The following SCN7A variants were observed in gnomAD, a reference collection of about 807,000 sequenced individuals.
SCN7A encodes the protein sodium channel protein type 7 subunit alpha.
In SCN7A, 138 loss-of-function variants were observed where a neutral mutation model predicts 155.2. The ratio of observed to expected loss-of-function variants is 0.89; its 90% CI spans 0.77 to 1.02. SCN7A has a LOEUF of 1.02. Among genes scored for constraint, SCN7A ranks in the 50% least tolerant of loss-of-function variants. The probability of loss-of-function intolerance (pLI) is 0.00; values close to 1 mark genes in which losing one functional copy is unlikely to be tolerated. For synonymous variants in SCN7A, 693 were observed against 649.0 expected (o/e 1.07, Z -1.03); for missense variants, 2,058 against 1,986.6 (o/e 1.04, Z -0.68).
At chr2:166,469,026 T>C (rs1049022168) in intron 7 of SCN7A, among the ~76,000 whole-genome samples, 1 of 151,316 alleles carries the variant, frequency 6.6e-6, no homozygotes, top group Non-Finnish European at 1.5e-5. Flanking sequence ...TAGTATAAGC[T>C]GATCTCTTTC....
chr2:166,436,555 T>C (rs915601849), intron 15 of SCN7A: 11 of 201,194 alleles, frequency 5.5e-5, no homozygotes, highest in Non-Finnish European at 8.6e-5. Flanking sequence ...CTGCAGAGAA[T>C]GGGGCACTGC....
intron 7 of SCN7A, among the ~76,000 whole-genome samples, chr2:166,469,492 T>C (rs1463376173): frequency 6.6e-6 from 1 of 151,850 alleles, no homozygotes; most frequent in African/African-American, 2.4e-5. Context: ...TGTTTCTCTT[T>C]CTATATTGCA....
At chr2:166,468,516 C>T (rs1363057215) in intron 7 of SCN7A, among the ~76,000 whole-genome samples, 1 of 151,966 alleles carries the variant, frequency 6.6e-6, no homozygotes, top group Non-Finnish European at 1.5e-5. Context: ...CAAGAATGAA[C>T]CACGGAAGTC....
intron 2 of SCN7A, among the ~76,000 whole-genome samples, chr2:166,484,613 T>C (rs1167301554): frequency 6.6e-6 from 1 of 151,998 alleles, no homozygotes; most frequent in African/African-American, 2.4e-5. Flanking sequence ...TCATCACTAA[T>C]ACATGTTTTA....
chr2:166,471,698 G>A (rs1011437319), intron 6 of SCN7A, among the ~76,000 whole-genome samples: 1 of 140,304 alleles, frequency 7.1e-6, no homozygotes, highest in Non-Finnish European at 1.5e-5. Context: ...GAAATTGTTA[G>A]AATTGTATGA....
chr2:166,438,081 T>C lies in SCN7A; in HGVS notation c.2157+3315A>G, dbSNP rs1408844408. Among the ~76,000 whole-genome samples, 11 of 152,168 alleles carry C rather than the reference T, an allele frequency of 7.2e-5. No homozygotes were observed. In the East Asian group the frequency reaches 2.1e-3, roughly 29 times the overall value. ...CAGGGGTGGAATGATATTGCTTGGC[T>C]GTGTCTCCACCCAAATCTCATCTTG... On this transcript the variant is annotated intron_variant, in intron 15 of 25. Coordinates refer to ENST00000643258, the MANE Select transcript of SCN7A (RefSeq NM_002976.4).
At chr2:166,443,431 A>G in intron 14 of SCN7A, 72 bp downstream of exon 14, 1 of 1,302,462 alleles carries the variant, frequency 7.7e-7, no homozygotes, top group South Asian at 1.4e-5. Context: ...TATTACTGTA[A>G]CCCCATTTTA....
intron 19 of SCN7A, among the ~76,000 whole-genome samples, chr2:166,422,125 A>C (rs1046605163): frequency 1.3e-5 from 2 of 152,108 alleles, no homozygotes; most frequent in African/African-American, 4.8e-5. Context: ...AATTTGAAAG[A>C]GTGAACTTAG....
At chr2:166,465,404 C>A in intron 9 of SCN7A, 58 bp downstream of exon 9, 1 of 1,147,724 alleles carries the variant, frequency 8.7e-7, no homozygotes, top group South Asian at 1.3e-5. Context: ...AATAGTCCTT[C>A]ATTAAATACT....
intron 21 of SCN7A, among the ~76,000 whole-genome samples, chr2:166,414,004 A>ATATATATATATAC (rs1559087806): frequency 1.5e-4 from 7 of 45,808 alleles, no homozygotes; most frequent in African/African-American, 7.2e-4. Flanking sequence ...TATATATATA[A>ATATATATATATAC]ATATACTATA....
At chr2:166,454,048 A>C (rs1702228908) in intron 11 of SCN7A, among the ~76,000 whole-genome samples, 1 of 152,176 alleles carries the variant, frequency 6.6e-6, no homozygotes, top group Non-Finnish European at 1.5e-5. Context: ...AAATGAGTGG[A>C]AATATGGTAA....
At chr2:166,423,473 T>C (rs1701556575) in intron 18 of SCN7A, 41 bp from the exon 19 acceptor site, 1 of 1,461,558 alleles carries the variant, frequency 6.8e-7, no homozygotes, top group East Asian at 2.5e-5. Flanking sequence ...GGTGTACAGG[T>C]AATTTCTAAA....
chr2:166,486,626 C>G (rs1256980757), intron 2 of SCN7A, among the ~76,000 whole-genome samples: 1 of 152,148 alleles, frequency 6.6e-6, no homozygotes, highest in Non-Finnish European at 1.5e-5. Flanking sequence ...AATCTAGGAG[C>G]CAGTGGCCCA....
chr2:166,444,475 G>A (rs568943064), intron 13 of SCN7A, among the ~76,000 whole-genome samples: 1 of 152,196 alleles, frequency 6.6e-6, no homozygotes, highest in East Asian at 1.9e-4. Context: ...GGAAGGGAGG[G>A]GCAATAAATA....
chr2:166,421,144 A>G (rs1313465631), intron 20 of SCN7A, 46 bp downstream of exon 20: 2 of 1,273,486 alleles, frequency 1.6e-6, no homozygotes, highest in Admixed American at 2.7e-5. Context: ...AAATTTAGTA[A>G]TTCCAAATAA....
At chr2:166,422,707 C>T (rs916508781) in intron 19 of SCN7A, among the ~76,000 whole-genome samples, 2 of 152,050 alleles carry the variant, frequency 1.3e-5, no homozygotes, top group Non-Finnish European at 2.9e-5. Flanking sequence ...GTTGATTTTA[C>T]CCTGAATGAG....
chr2:166,455,547 G>T (rs1442808956), intron 11 of SCN7A, among the ~76,000 whole-genome samples: 1 of 152,066 alleles, frequency 6.6e-6, no homozygotes, highest in Non-Finnish European at 1.5e-5. Flanking sequence ...ACTACTAGAG[G>T]GGGAAGAGAA....
intron 23 of SCN7A, among the ~76,000 whole-genome samples, chr2:166,411,925 G>T (rs987741705): frequency 2.0e-5 from 3 of 152,082 alleles, no homozygotes; most frequent in Non-Finnish European, 2.9e-5. Context: ...TTAGGTGCCT[G>T]TGTAAAATAA....
intron 25 of SCN7A, among the ~76,000 whole-genome samples, chr2:166,408,727 G>A (rs910943576): frequency 2.0e-5 from 3 of 151,776 alleles, no homozygotes; most frequent in African/African-American, 7.3e-5. Context: ...GCAGATCTGG[G>A]CAAACAGTTT....
Sources: gnomAD v4.1 joint callset for allele counts (sites outside exome capture counted in the v4.1 genomes callset) on GRCh38, gnomAD v4.1.1 for gene constraint, MANE v1.5 for transcripts, NCBI Gene and HGNC (gene_info 2026-07-23, HGNC 2026-07-21) for gene names.